The following CYTH3 variants were observed in gnomAD, a reference collection of about 807,000 sequenced individuals.
The protein encoded by CYTH3 is cytohesin 3.
CYTH3 carries 23 observed loss-of-function variants against 55.1 expected under a neutral mutation model. The ratio of observed to expected loss-of-function variants is 0.42; its 90% CI spans 0.30 to 0.59. The LOEUF (loss-of-function observed/expected upper bound fraction) is 0.59. Ranked by LOEUF, CYTH3 falls within the 20% of genes least tolerant of loss-of-function variation. The pLI, the probability that CYTH3 is intolerant of heterozygous loss-of-function variation, is 0.20. For missense variants in CYTH3, 413 were observed against 524.8 expected, an observed-to-expected ratio of 0.79 and a Z score of 2.08; for synonymous variants, 249 against 194.9, an observed-to-expected ratio of 1.28 and a Z score of -2.31.
chr7:6,177,616 C>T (rs188728811), intron 5 of CYTH3, among the ~76,000 whole-genome samples: 144 of 152,368 alleles, frequency 9.5e-4, no homozygotes, highest in African/African-American at 3.0e-3. Flanking sequence ...TCCCATAATA[C>T]GGTAATGCCT....
intron 1 of CYTH3, among the ~76,000 whole-genome samples, chr7:6,269,927 A>T (rs1428421467): frequency 6.6e-6 from 1 of 152,226 alleles, no homozygotes; most frequent in African/African-American, 2.4e-5. Flanking sequence ...GTTTGAATAG[A>T]TTATTTACCC....
intron 1 of CYTH3, among the ~76,000 whole-genome samples, chr7:6,224,852 G>C (rs1779200141): frequency 1.3e-5 from 2 of 152,192 alleles, no homozygotes; most frequent in South Asian, 4.1e-4. Context: ...AGTATTTCCT[G>C]ACACTGGGAT....
intron 1 of CYTH3, among the ~76,000 whole-genome samples, chr7:6,194,530 G>A (rs1057017513): frequency 2.6e-5 from 4 of 152,200 alleles, no homozygotes; most frequent in East Asian, 3.8e-4. Context: ...ACCTGTCATC[G>A]AGAGAACTTT....
At chr7:6,221,378 A>T (rs569838824) in intron 1 of CYTH3, among the ~76,000 whole-genome samples, 1 of 152,276 alleles carries the variant, frequency 6.6e-6, no homozygotes, top group South Asian at 2.1e-4. Context: ...AACATCTCAG[A>T]GGTGGAAAAT....
At chr7:6,222,485 G>A (rs1359003232) in intron 1 of CYTH3, among the ~76,000 whole-genome samples, 1 of 152,136 alleles carries the variant, frequency 6.6e-6, no homozygotes, top group African/African-American at 2.4e-5. Flanking sequence ...TTGGCTGGGT[G>A]CCTGTAATCC....
chr7:6,195,048 A>G (rs992179921), intron 1 of CYTH3, among the ~76,000 whole-genome samples: 2 of 152,118 alleles, frequency 1.3e-5, no homozygotes, highest in Admixed American at 6.5e-5. Flanking sequence ...AAAGTAGGCC[A>G]TATCTTCTTC....
intron 1 of CYTH3, among the ~76,000 whole-genome samples, chr7:6,231,703 C>T (rs1737656418): frequency 6.6e-6 from 1 of 152,164 alleles, no homozygotes; most frequent in Non-Finnish European, 1.5e-5. Context: ...TTCATAGAAA[C>T]AAATAAAAAC....
At chr7:6,245,184 A>G (rs1167430567) in intron 1 of CYTH3, among the ~76,000 whole-genome samples, 1 of 151,596 alleles carries the variant, frequency 6.6e-6, no homozygotes, top group African/African-American at 2.4e-5. Flanking sequence ...GGTAACCAAA[A>G]ATGCAGGGGG....
intron 1 of CYTH3, among the ~76,000 whole-genome samples, chr7:6,205,667 T>G (rs113720283): frequency 8.6e-5 from 13 of 151,978 alleles, no homozygotes; most frequent in African/African-American, 2.9e-4. Flanking sequence ...AATAACAACT[T>G]AAGATGCTAC....
intron 1 of CYTH3, among the ~76,000 whole-genome samples, chr7:6,270,737 C>T (rs1780628831): frequency 6.6e-6 from 1 of 152,178 alleles, no homozygotes; most frequent in African/African-American, 2.4e-5. Context: ...TTCAAGGTTG[C>T]TTCCCTGTGA....
intron 4 of CYTH3, among the ~76,000 whole-genome samples, chr7:6,179,664 C>T (rs1427038631): frequency 9.9e-6 from 1 of 100,720 alleles, no homozygotes; most frequent in Admixed American, 9.6e-5. Flanking sequence ...CCACACACAC[C>T]CCACACACAC....
intron 1 of CYTH3, among the ~76,000 whole-genome samples, chr7:6,232,078 G>C (rs1319085414): frequency 6.6e-6 from 1 of 152,120 alleles, no homozygotes; most frequent in Admixed American, 6.6e-5. Context: ...TCAGCACCAA[G>C]ATGCACCTTT....
intron 1 of CYTH3, among the ~76,000 whole-genome samples, chr7:6,241,503 A>G (rs577525861): frequency 5.9e-5 from 9 of 152,330 alleles, no homozygotes; most frequent in South Asian, 2.1e-4. Context: ...GGGAAGTCTG[A>G]TAACATCTAA....
rs1783172508 is a variant in CYTH3, at chr7:6,171,014, C to T, written c.563-36G>A. On this transcript the variant is annotated intron_variant, in intron 7 of 12. Coordinates refer to ENST00000350796, the MANE Select transcript of CYTH3 (RefSeq NM_004227.4). The surrounding 1 kb of genome is among the most constrained non-coding windows in gnomAD (Gnocchi z 6.7). ...TCCGGGGTGCTGGGCTCAGCCAGAA[C>T]CTCCAGTGGACAGTGGGACCCCGCG... is the stretch of plus-strand genomic sequence containing the variant. 6.2e-7 allele frequency: 1 copy of T among 1,611,948 alleles called. No individual in the cohort carries two copies. Among genetic ancestry groups the T allele is most frequent in the Non-Finnish European group, 8.5e-7 (1 of 1,179,324 alleles).
intron 4 of CYTH3, among the ~76,000 whole-genome samples, chr7:6,183,359 G>A (rs1008191217): frequency 6.6e-6 from 1 of 152,200 alleles, no homozygotes; most frequent in Non-Finnish European, 1.5e-5. Flanking sequence ...CTAGTCCACT[G>A]AGTGGACCCC....
At position 6,183,140 on chromosome 7, in the gene CYTH3, A is replaced by C. The variant is rs955422574; in HGVS notation, c.249+3910T>G. On this transcript the variant is annotated intron_variant, in intron 4 of 12. Coordinates refer to ENST00000350796, the MANE Select transcript of CYTH3 (RefSeq NM_004227.4). ...TCCCTCTTGCTTTTCCCACCTGGAG[A>C]CACAATCACTGCTAGACACAAGGTC... 1.6e-4 allele frequency among the ~76,000 whole-genome samples: 24 copies of C among 152,242 alleles called. No individual in the cohort carries two copies. In the East Asian group the frequency reaches 2.5e-3, roughly 16 times the overall value.
intron 1 of CYTH3, among the ~76,000 whole-genome samples, chr7:6,201,281 T>C (rs2128546871): frequency 6.6e-6 from 1 of 152,158 alleles, no homozygotes; most frequent in Non-Finnish European, 1.5e-5. Context: ...GCCAGGTGAG[T>C]GGCATGCCGC....
intron 1 of CYTH3, among the ~76,000 whole-genome samples, chr7:6,245,716 C>G (rs959950366): frequency 3.9e-5 from 6 of 152,170 alleles, no homozygotes; most frequent in Non-Finnish European, 7.3e-5. Flanking sequence ...ACCAGCCTGA[C>G]CAACATGGTG....
chr7:6,259,798 TATATA>T (rs1780281341), intron 1 of CYTH3, among the ~76,000 whole-genome samples: 1 of 24,902 alleles, frequency 4.0e-5, no homozygotes, highest in Non-Finnish European at 5.5e-5. Context: ...TATATATATA[TATATA>T]TATATATATA....
Sources: allele counts gnomAD v4.1 joint callset (sites outside exome capture counted in the v4.1 genomes callset), GRCh38; gene constraint gnomAD v4.1.1; non-coding constraint Gnocchi (gnomAD v3.1); transcripts MANE v1.5; gene names NCBI Gene and HGNC (gene_info 2026-07-23, HGNC 2026-07-21).